SPATA31A5: variants seen among roughly 807,000 people sequenced by gnomAD.
SPATA31A5 encodes SPATA31 subfamily A member 5.
intron 1 of SPATA31A5, among the ~76,000 whole-genome samples, chr9:60,915,225 A>T (rs1228990711): frequency 1.8e-5 from 2 of 111,208 alleles, no homozygotes; most frequent in African/African-American, 3.4e-5. Context: ...GTGTGTGTGT[A>T]TTTTTATTTT....
At chr9:60,915,114 G>A (rs1440964554) in intron 1 of SPATA31A5, among the ~76,000 whole-genome samples, 2 of 65,126 alleles carry the variant, frequency 3.1e-5, no homozygotes, top group Admixed American at 2.9e-4. Context: ...CTGCGGGCCT[G>A]AACTTGGGTG....
At chr9:60,915,205 G>GTGTGTGTGTGTA (rs1825496904) in intron 1 of SPATA31A5, among the ~76,000 whole-genome samples, 2 of 113,360 alleles carry the variant, frequency 1.8e-5, no homozygotes, top group South Asian at 6.5e-4. Flanking sequence ...GTGTGTGTGT[G>GTGTGTGTGTGTA]TGTGTGTGTG....
chr9:60,915,386 C>T (rs1331904249), intron 1 of SPATA31A5, among the ~76,000 whole-genome samples: 1 of 16,880 alleles, frequency 5.9e-5, no homozygotes, highest in African/African-American at 2.8e-4. Context: ...TGAGTTCAAG[C>T]GATTCTCCTG....
Position 60,915,125 on chromosome 9 carries a change from T to C in SPATA31A5, c.189+501T>C, listed in dbSNP as rs1353892043. Among the ~76,000 whole-genome samples, 17 of 73,126 alleles carry C rather than the reference T, an allele frequency of 2.3e-4. No individual in the cohort carries two copies. The East Asian group carries it at 4.7e-3, about 20-fold the overall frequency. 48.0% of individuals were successfully genotyped at this position (73,126 alleles called of 152,430 possible). ...GTGCCTGCGGGCCTGAACTTGGGTGTTCCTGGAGCAGAGGAACAGGGACTG... is the reference window on the plus strand; with the variant it reads ...GTGCCTGCGGGCCTGAACTTGGGTGCTCCTGGAGCAGAGGAACAGGGACTG... On this transcript the variant is annotated intron_variant, in intron 1 of 3. Coordinates refer to ENST00000437823, the MANE Select transcript of SPATA31A5 (RefSeq NM_001113541.3).
intron 1 of SPATA31A5, among the ~76,000 whole-genome samples, chr9:60,915,353 G>A (rs1434705717): frequency 5.5e-5 from 3 of 54,546 alleles, no homozygotes; most frequent in African/African-American, 6.5e-5. Context: ...GAGTGATATC[G>A]GCTCACTGCA....
intron 1 of SPATA31A5, among the ~76,000 whole-genome samples, chr9:60,915,098 C>A (rs1446386188): frequency 1.9e-4 from 10 of 53,710 alleles, no homozygotes; most frequent in Admixed American, 1.8e-3. Flanking sequence ...GATAGCTCAG[C>A]AGTGCCTGCG....
intron 1 of SPATA31A5, among the ~76,000 whole-genome samples, chr9:60,914,882 T>A (rs1156550515): frequency 4.5e-4 from 6 of 13,330 alleles, no homozygotes; most frequent in African/African-American, 2.0e-3. Flanking sequence ...ACCAGTGGAC[T>A]CAGCACCAGT....
chr9:60,915,333 C>G (rs1334815405), intron 1 of SPATA31A5, among the ~76,000 whole-genome samples: 1 of 67,142 alleles, frequency 1.5e-5, no homozygotes, highest in Non-Finnish European at 3.3e-5. Context: ...GTGCAGGTTG[C>G]AGTGAAATGG....
chr9:60,915,314 C>T (rs1381054087), intron 1 of SPATA31A5, among the ~76,000 whole-genome samples: 1 of 73,338 alleles, frequency 1.4e-5, no homozygotes, highest in Non-Finnish European at 3.1e-5. Context: ...GATGGAGTCT[C>T]GCTCTGTGGT....
chr9:60,915,161 T>C (rs1825495159), intron 1 of SPATA31A5, among the ~76,000 whole-genome samples: 1 of 89,788 alleles, frequency 1.1e-5, no homozygotes, highest in African/African-American at 4.9e-5. Context: ...AAGGTGTCCG[T>C]GGTGGACCTC....
At position 60,915,187 on chromosome 9, in the gene SPATA31A5, CTGTGTGTGTGTGTGTGTG is replaced by C. The variant is rs1161833993; in HGVS notation, c.189+583_190-599del. Reference sequence around the variant, plus strand: ...GGTGGACCTCATATTGAAAATCCCTCTGTGTGTGTGTGTGTGTGTGTGTGTGTGTGTGTGTGTATTTTT... The same window carrying C: ...GGTGGACCTCATATTGAAAATCCCTCTGTGTGTGTGTGTGTGTGTATTTTT... On this transcript the variant is annotated intron_variant, in intron 1 of 3. Coordinates refer to ENST00000437823, the MANE Select transcript of SPATA31A5 (RefSeq NM_001113541.3). Among the ~76,000 whole-genome samples the C allele has an allele frequency of 1.9e-3, 145 of 76,924 alleles. 1 individual carries two copies. Among genetic ancestry groups the C allele is most frequent in the African/African-American group, 5.7e-3 (100 of 17,406 alleles). 50.5% of individuals were successfully genotyped at this position (76,924 alleles called of 152,430 possible).
intron 1 of SPATA31A5, among the ~76,000 whole-genome samples, chr9:60,915,227 T>TA (rs1825497927): frequency 8.4e-6 from 1 of 119,554 alleles, no homozygotes; most frequent in African/African-American, 3.1e-5. Context: ...GTGTGTGTAT[T>TA]TTTATTTTAT....
At chr9:60,915,259 TA>T (rs1434317761) in intron 1 of SPATA31A5, among the ~76,000 whole-genome samples, 1 of 80,950 alleles carries the variant, frequency 1.2e-5, no homozygotes, top group Non-Finnish European at 2.7e-5. Flanking sequence ...ATTTTTATTT[TA>T]TTTTATTTTA....
intron 1 of SPATA31A5, among the ~76,000 whole-genome samples, chr9:60,915,187 CTGTGTGTGTGTGTGTG>C (rs1161833993): frequency 1.3e-5 from 1 of 76,954 alleles, no homozygotes; most frequent in Non-Finnish European, 2.7e-5. Context: ...GAAAATCCCT[CTGTGTGTGTGTGTGTG>C]TGTGTGTGTG....
intron 1 of SPATA31A5, among the ~76,000 whole-genome samples, chr9:60,915,160 G>A (rs1307256056): frequency 1.1e-5 from 1 of 89,838 alleles, no homozygotes; most frequent in African/African-American, 4.9e-5. Context: ...GAAGGTGTCC[G>A]TGGTGGACCT....
intron 1 of SPATA31A5, among the ~76,000 whole-genome samples, chr9:60,915,107 C>T (rs1825493496): frequency 1.7e-5 from 1 of 59,352 alleles, no homozygotes; most frequent in Admixed American, 1.6e-4. Context: ...GCAGTGCCTG[C>T]GGGCCTGAAC....
intron 1 of SPATA31A5, among the ~76,000 whole-genome samples, 199 bp downstream of exon 1, chr9:60,914,823 C>A (rs1338343271): frequency 5.2e-4 from 2 of 3,880 alleles, no homozygotes; most frequent in East Asian, 1.3e-3. Context: ...CCATCCCAAG[C>A]TCTCAGTCCA....
At chr9:60,915,273 T>A (rs1456260961) in intron 1 of SPATA31A5, among the ~76,000 whole-genome samples, 1 of 100,866 alleles carries the variant, frequency 9.9e-6, no homozygotes, top group African/African-American at 3.4e-5. Context: ...TTATTTTATT[T>A]TATTTTATTT....
In SPATA31A5 at chr9:60,915,888, T is replaced by A; in HGVS notation, c.247+8T>A. The A allele has an allele frequency of 1.5e-6, 1 of 651,242 alleles. No individual in the cohort carries two copies. Among genetic ancestry groups the A allele is most frequent in the South Asian group, 1.7e-5 (1 of 58,960 alleles). 40.3% of individuals were successfully genotyped at this position (651,242 alleles called of 1,614,324 possible). A position where few individuals can be genotyped will look rare whatever the true frequency, so the allele number is the denominator to read the frequency against. ...AAAACCACAGTCTGAGAGGTAAGGCTCTGCCAGAGCACACTAGGGTTAATT... is the reference window on the plus strand; with the variant it reads ...AAAACCACAGTCTGAGAGGTAAGGCACTGCCAGAGCACACTAGGGTTAATT... On this transcript the variant is annotated splice_region_variant and intron_variant, in intron 2 of 3. Transcript: ENST00000437823.
Sources: gnomAD v4.1 joint callset for allele counts (sites outside exome capture counted in the v4.1 genomes callset) on GRCh38, gnomAD v4.1.1 for gene constraint, MANE v1.5 for transcripts, NCBI Gene and HGNC (gene_info 2026-07-23, HGNC 2026-07-21) for gene names.